Variants in SCAF8 observed in about 807,000 individuals in gnomAD.
SCAF8 encodes the protein SR-related CTD associated factor 8, also known as SR-related and CTD-associated factor 8.
A neutral mutation model predicts 140.5 loss-of-function variants in SCAF8; 23 were observed. The ratio of observed to expected loss-of-function variants is 0.16; its 90% CI spans 0.12 to 0.23. The LOEUF is 0.23. Ranked by LOEUF, SCAF8 falls within the 10% of genes least tolerant of loss-of-function variation. SCAF8 has a pLI of 1.00. For missense variants in SCAF8, 1,397 were observed against 1,555.7 expected (o/e 0.90, Z 1.72); for synonymous variants, 575 against 528.9 (o/e 1.09, Z -1.20).
chr6:154,746,470 G>T (rs1778701924), intron 1 of SCAF8, among the ~76,000 whole-genome samples: 1 of 152,100 alleles, frequency 6.6e-6, no homozygotes, highest in African/African-American at 2.4e-5. Context: ...AAAAAGCCAT[G>T]AATTCATCAT....
At chr6:154,813,909 G>C (rs138410031) in intron 12 of SCAF8, among the ~76,000 whole-genome samples, 76 of 152,280 alleles carry the variant, frequency 5.0e-4, no homozygotes, top group African/African-American at 1.8e-3. Flanking sequence ...CCTAGCAAAG[G>C]TAAGGAAACA....
At position 154,794,778 on chromosome 6, in the gene SCAF8, GGGGTGTGTGTGTGTGTGT is replaced by G. The variant is rs1777543166; in HGVS notation, c.476-229_476-212del. 1.1e-3 allele frequency among the ~76,000 whole-genome samples: 76 copies of G among 68,526 alleles called. 8 individuals are homozygous for G. Among genetic ancestry groups the G allele is most frequent in the Middle Eastern group, 6.6e-3 (1 of 152 alleles). 45.0% of individuals were successfully genotyped at this position (68,526 alleles called of 152,430 possible). On this transcript the variant is annotated intron_variant, in intron 5 of 19. Transcript: ENST00000367178. ...TTTTGGTGGGGGGGGGGGGGTGTGG[GGGGTGTGTGTGTGTGTGT>G]GTGTGTGTGTGTGTGTGTGTGTGTG...
chr6:154,748,455 A>G (rs1202662331), intron 1 of SCAF8, among the ~76,000 whole-genome samples: 1 of 152,210 alleles, frequency 6.6e-6, no homozygotes, highest in Non-Finnish European at 1.5e-5. Context: ...CTGTTTGCAG[A>G]TTATCCATCT....
intron 3 of SCAF8, among the ~76,000 whole-genome samples, chr6:154,783,274 A>G (rs1303419288): frequency 6.6e-6 from 1 of 152,204 alleles, no homozygotes; most frequent in African/African-American, 2.4e-5. Flanking sequence ...TGTCTACTAG[A>G]TTCAGAATAA....
chr6:154,830,991 T>A lies in SCAF8; in HGVS notation c.2210T>A (p.Ile737Lys). ...GATGTTGGATTTGGTAGCCTTGTTA[T>A]ACCAGGCGGTTCTGTTGCCAGCAAT... ...VKDVGFGSLV[I>K]PGGSVASNLA... Residue 737 changes from isoleucine (I) to lysine (K), a missense_variant, in exon 19 of 20, where the codon ATA (isoleucine) becomes AAA (lysine). Ile to Lys is a moderately radical substitution (Grantham distance 102, BLOSUM62 -3). Coordinates refer to ENST00000367178, the MANE Select transcript of SCAF8 (RefSeq NM_014892.5). The A allele has an allele frequency of 6.2e-7, 1 of 1,614,010 alleles. No individual in the cohort carries two copies. Among genetic ancestry groups the A allele is most frequent in the South Asian group, 1.1e-5 (1 of 91,078 alleles).
chr6:154,744,848 T>C (rs981123231), intron 1 of SCAF8, among the ~76,000 whole-genome samples: 1 of 152,264 alleles, frequency 6.6e-6, no homozygotes, highest in African/African-American at 2.4e-5. Flanking sequence ...TAACCATGTT[T>C]GCTTTCTTAC....
intron 16 of SCAF8, 146 bp downstream of exon 16, chr6:154,822,555 T>G (rs1465231084): frequency 2.4e-6 from 2 of 831,082 alleles, no homozygotes; most frequent in African/African-American, 1.7e-5. Flanking sequence ...ATATTTCTTT[T>G]AAATAAAAAA....
chr6:154,826,306 T>G (rs1450412023), intron 17 of SCAF8, among the ~76,000 whole-genome samples: 1 of 152,154 alleles, frequency 6.6e-6, no homozygotes, highest in African/African-American at 2.4e-5. Flanking sequence ...TGTTCCTTAT[T>G]AACTTGTTGA....
chr6:154,832,521 G>A lies in SCAF8; in HGVS notation c.2942G>A (p.Arg981Lys), dbSNP rs1188438388. The A allele has an allele frequency of 6.2e-7, 1 of 1,613,802 alleles. No individual in the cohort carries two copies. The highest frequency in any genetic ancestry group is 1.3e-5 in the African/African-American group (1 of 74,970). The change falls in exon 20 of 20, where the codon AGA becomes AAA. Residue 981 changes from arginine to lysine, a missense_variant. By Grantham distance (26) the Arg-to-Lys change is conservative (BLOSUM62 2). Transcript: ENST00000367178. ...GGAGATATTTTTAGTCAACCAGAAA[G>A]ACCTTTTTTAGCTCCTGGAAGACAA... The part of the protein sequence containing the change: ...PPGDIFSQPE[R>K]PFLAPGRQSV...
Position 154,736,772 on chromosome 6 carries a change from C to T in SCAF8, c.30+2842C>T, listed in dbSNP as rs555176473. Among the ~76,000 whole-genome samples the T allele has an allele frequency of 9.9e-5, 15 of 152,206 alleles. No homozygotes were observed. In the South Asian group the frequency reaches 2.1e-3, roughly 21 times the overall value. On this transcript the variant is annotated intron_variant, in intron 1 of 19. Transcript: ENST00000367178. ...CATTTTACAGGAACTTGAGGTTTGT[C>T]TTAGTCCCATTTTAGTGTATGTAGC...
At chr6:154,769,735 A>T (rs1302426522) in intron 1 of SCAF8, among the ~76,000 whole-genome samples, 1 of 152,188 alleles carries the variant, frequency 6.6e-6, no homozygotes, top group Non-Finnish European at 1.5e-5. Flanking sequence ...TAAAATTTAG[A>T]TCTTTCTGTA....
At chr6:154,784,320 T>C (rs1777187850) in intron 3 of SCAF8, among the ~76,000 whole-genome samples, 1 of 151,832 alleles carries the variant, frequency 6.6e-6, no homozygotes, top group Admixed American at 6.6e-5. Flanking sequence ...ATATGTATTT[T>C]TATTAAAGTT....
rs1778332375 is a variant in SCAF8, at chr6:154,733,859, C to G, written c.-42C>G. The G allele has an allele frequency of 1.3e-6, 2 of 1,541,098 alleles. No homozygotes were observed. Among genetic ancestry groups the G allele is most frequent in the Non-Finnish European group, 1.7e-6 (2 of 1,150,122 alleles). ...TCTCCCCACCCAGTGCAGTGGCCGC[C>G]GCCTCTTCCGCCGCCGGGCTCGGGG... is the stretch of plus-strand genomic sequence containing the variant. On this transcript the variant is annotated 5_prime_UTR_variant, in exon 1 of 20. Transcript: ENST00000367178.
At position 154,808,028 on chromosome 6, in the gene SCAF8, A is replaced by C. The variant is rs375619456; in HGVS notation, c.982-42A>C. ...GTTTACATTTTCATTCATAACAAAA[A>C]GTATCTCCCAATCTTTGTGTGTTTG... On this transcript the variant is annotated intron_variant, in intron 9 of 19. Transcript: ENST00000367178. 4.2e-5 allele frequency: 65 copies of C among 1,547,992 alleles called. No individual in the cohort carries two copies. The African/African-American group carries it at 6.9e-4, about 16-fold the overall frequency.
chr6:154,778,646 C>T (rs1656173141), intron 3 of SCAF8, among the ~76,000 whole-genome samples: 1 of 152,092 alleles, frequency 6.6e-6, no homozygotes, highest in South Asian at 2.1e-4. Flanking sequence ...TGCCTGTAAT[C>T]CCAGCTACTT....
At chr6:154,734,505 A>C (rs146388536) in intron 1 of SCAF8, among the ~76,000 whole-genome samples, 82 of 152,308 alleles carry the variant, frequency 5.4e-4, no homozygotes, top group African/African-American at 1.9e-3. Flanking sequence ...GGCAAAGGTT[A>C]TTCTGCAATA....
Position 154,770,457 on chromosome 6 carries a change from G to T in SCAF8, c.31-3532G>T, listed in dbSNP as rs183358176. On this transcript the variant is annotated intron_variant, in intron 1 of 19. Coordinates refer to ENST00000367178, the MANE Select transcript of SCAF8 (RefSeq NM_014892.5). The stretch of plus-strand genomic sequence containing the variant: ...TGTGGCGGTCCGTGCCTATAGTCCA[G>T]CTACTTGAGAGGTTGAGGTAGGAGG... Among the ~76,000 whole-genome samples, 58 of 151,200 alleles carry T rather than the reference G, an allele frequency of 3.8e-4. 1 individual carries two copies. The East Asian group carries it at 0.011, about 28-fold the overall frequency.
At chr6:154,827,839 G>GA (rs932855754) in intron 18 of SCAF8, among the ~76,000 whole-genome samples, 3 of 150,512 alleles carry the variant, frequency 2.0e-5, no homozygotes, top group African/African-American at 4.9e-5. Flanking sequence ...CGGGGCGGGG[G>GA]GGGGGGCGGT....
intron 13 of SCAF8, among the ~76,000 whole-genome samples, chr6:154,817,117 CT>C (rs746442444): frequency 2.7e-5 from 4 of 150,096 alleles, no homozygotes; most frequent in Non-Finnish European, 4.4e-5. Context: ...TGATTTACCC[CT>C]ACCTTTAAAC....
Sources: gnomAD v4.1 joint callset for allele counts (sites outside exome capture counted in the v4.1 genomes callset) on GRCh38, gnomAD v4.1.1 for gene constraint, MANE v1.5 for transcripts, NCBI Gene and HGNC (gene_info 2026-07-23, HGNC 2026-07-21) for gene names.